The following UNC80 variants were observed in gnomAD, a reference collection of about 807,000 sequenced individuals.
UNC80 encodes protein unc-80 homolog.
UNC80 carries 164 observed loss-of-function variants against 384.6 expected under a neutral mutation model. The ratio of observed to expected loss-of-function variants is 0.43; its 90% CI spans 0.38 to 0.49. UNC80 has a LOEUF of 0.49. Ranked by LOEUF, UNC80 falls within the 20% of genes least tolerant of loss-of-function variation. The probability of loss-of-function intolerance (pLI) is 0.00; values close to 1 mark genes in which losing one functional copy is unlikely to be tolerated. For synonymous variants in UNC80, 1,486 were observed against 1,527.8 expected, an observed-to-expected ratio of 0.97 and a Z score of 0.64; for missense variants, 3,330 against 4,143.0, an observed-to-expected ratio of 0.80 and a Z score of 5.39.
chr2:209,941,704 AT>A (rs1419622146), intron 44 of UNC80, among the ~76,000 whole-genome samples: 2 of 152,146 alleles, frequency 1.3e-5, no homozygotes, highest in Non-Finnish European at 2.9e-5. Flanking sequence ...ATGCTTTCCC[AT>A]TTCGTCTAGG....
At position 209,819,072 on chromosome 2, in the gene UNC80, T is replaced by G; in HGVS notation, c.1773T>G (p.Phe591Leu). Residue 591 changes from phenylalanine (F) to leucine (L), a missense_variant, in exon 12 of 65, where the codon TTT (phenylalanine) becomes TTG (leucine). Coordinates refer to ENST00000673920, the MANE Select transcript of UNC80 (RefSeq NM_001371986.1). ...CATTCAACGTAGGCTATGCAGACTTTTTCAATGAGCATATGAGGAAACTCT... is the reference window on the plus strand; with the variant it reads ...CATTCAACGTAGGCTATGCAGACTTGTTCAATGAGCATATGAGGAAACTCT... Reference protein sequence around the residue: ...LASFNVGYADFFNEHMRKLCN... With the variant: ...LASFNVGYADLFNEHMRKLCN... The G allele has an allele frequency of 6.4e-7, 1 of 1,552,014 alleles. No individual in the cohort carries two copies. The highest frequency in any genetic ancestry group is 8.7e-7 in the Non-Finnish European group (1 of 1,147,058).
intron 21 of UNC80, among the ~76,000 whole-genome samples, chr2:209,843,288 A>C (rs1476206822): frequency 1.3e-5 from 2 of 152,226 alleles, no homozygotes; most frequent in African/African-American, 4.8e-5. Flanking sequence ...AAGTATATGA[A>C]CACAATTTAA....
chr2:209,863,497 T>C (rs6757148), intron 22 of UNC80, among the ~76,000 whole-genome samples: 24,704 of 152,036 alleles, frequency 0.16, 2,624 homozygotes, highest in African/African-American at 0.29. Flanking sequence ...AGTCTTTTTA[T>C]GAAGTCCCAT....
At chr2:209,907,331 T>C (rs1488914913) in intron 29 of UNC80, among the ~76,000 whole-genome samples, 1 of 147,616 alleles carries the variant, frequency 6.8e-6, no homozygotes, top group Non-Finnish European at 1.5e-5. Context: ...TACCCCCATA[T>C]ACTGCACATA....
intron 7 of UNC80, among the ~76,000 whole-genome samples, chr2:209,798,042 T>C (rs2078279863): frequency 6.6e-6 from 1 of 152,236 alleles, no homozygotes; most frequent in South Asian, 2.1e-4. Flanking sequence ...TTAACTTCCT[T>C]GTAAATTCTG....
intron 25 of UNC80, among the ~76,000 whole-genome samples, chr2:209,882,992 A>C (rs2085433615): frequency 6.6e-6 from 1 of 152,112 alleles, no homozygotes; most frequent in Admixed American, 6.6e-5. Flanking sequence ...ACTTTATGTC[A>C]CCTTTAATTG....
intron 61 of UNC80, among the ~76,000 whole-genome samples, chr2:209,991,889 A>G (rs908389021): frequency 2.0e-5 from 3 of 152,226 alleles, no homozygotes; most frequent in African/African-American, 7.2e-5. Context: ...GGTGGCTTCC[A>G]AACCAGGGGT....
At chr2:209,961,798 G>A (rs1178037940) in intron 51 of UNC80, among the ~76,000 whole-genome samples, 1 of 152,172 alleles carries the variant, frequency 6.6e-6, no homozygotes, top group African/African-American at 2.4e-5. Flanking sequence ...TTCACTCTCT[G>A]AAGGTTTGCT....
intron 42 of UNC80, among the ~76,000 whole-genome samples, chr2:209,939,134 G>C (rs551784341): frequency 2.6e-5 from 4 of 152,262 alleles, no homozygotes; most frequent in African/African-American, 9.6e-5. Flanking sequence ...GACCCTGTTA[G>C]TGAAGGTCTT....
chr2:209,925,141 C>T (rs2090328845), intron 35 of UNC80, among the ~76,000 whole-genome samples: 1 of 151,300 alleles, frequency 6.6e-6, no homozygotes, highest in South Asian at 2.1e-4. Context: ...TAGTTCCAAG[C>T]TTTTGGTAAA....
chr2:209,811,597 G>A (rs892558512), intron 7 of UNC80, among the ~76,000 whole-genome samples: 1 of 152,178 alleles, frequency 6.6e-6, no homozygotes, highest in Non-Finnish European at 1.5e-5. Flanking sequence ...TAGGTCTCTG[G>A]AAAAAGGATA....
In UNC80 at chr2:209,933,890, G is replaced by C. The variant is rs756804958; in HGVS notation, c.6063G>C (p.Leu2021=). The stretch of plus-strand genomic sequence containing the variant: ...GGATGGATGCCATTTCAGCCACCCT[G>C]ACATTCCTGTGGGAGGTGGTGGGTT... ...EWGMDAISAT[L]TFLWEVVGYV... is the part of the protein sequence containing the mutation. The change falls in exon 39 of 65, where the codon CTG becomes CTC. Residue 2021 remains leucine, a synonymous_variant. Transcript: ENST00000673920. 2.6e-6 allele frequency: 4 copies of C among 1,551,282 alleles called. No homozygotes were observed. The highest frequency in any genetic ancestry group is 1.2e-5 in the South Asian group (1 of 84,046).
At chr2:209,777,165 A>G in intron 3 of UNC80, 93 bp from the exon 4 acceptor site, 1 of 1,369,068 alleles carries the variant, frequency 7.3e-7, no homozygotes, top group Non-Finnish European at 9.9e-7. Context: ...AAGTATAGAG[A>G]AAGGAGGGAT....
intron 10 of UNC80, among the ~76,000 whole-genome samples, chr2:209,817,477 A>G (rs2079823569): frequency 6.6e-6 from 1 of 151,478 alleles, no homozygotes; most frequent in African/African-American, 2.4e-5. Flanking sequence ...AAAGCAAAGC[A>G]AAGGAAAAAA....
intron 15 of UNC80, 124 bp from the exon 16 acceptor site, chr2:209,831,319 A>T: frequency 2.0e-6 from 2 of 1,019,266 alleles, no homozygotes; most frequent in Non-Finnish European, 2.8e-6. Flanking sequence ...GGGCATCTTT[A>T]ATTCCTTGTT....
At chr2:209,894,953 G>T (rs897945888) in intron 27 of UNC80, among the ~76,000 whole-genome samples, 1 of 152,158 alleles carries the variant, frequency 6.6e-6, no homozygotes, top group African/African-American at 2.4e-5. Context: ...TCAGGGATTT[G>T]TTTTCTCTGA....
intron 23 of UNC80, among the ~76,000 whole-genome samples, chr2:209,876,740 C>A (rs544633452): frequency 1.1e-4 from 17 of 152,236 alleles, no homozygotes; most frequent in Non-Finnish European, 1.8e-4. Flanking sequence ...CGATTTGTAT[C>A]ATTTGCTTAA....
At chr2:209,830,502 T>C (rs978984273) in intron 15 of UNC80, among the ~76,000 whole-genome samples, 1 of 152,160 alleles carries the variant, frequency 6.6e-6, no homozygotes, top group Non-Finnish European at 1.5e-5. Flanking sequence ...CCCCTGTCAA[T>C]TGGCATAGAC....
chr2:209,934,986 T>A (rs912179466), intron 39 of UNC80, among the ~76,000 whole-genome samples: 4 of 152,222 alleles, frequency 2.6e-5, no homozygotes, highest in Non-Finnish European at 5.9e-5. Flanking sequence ...CAAAGATTTG[T>A]AATTAATGAA....
Sources: gnomAD v4.1 joint callset for allele counts (sites outside exome capture counted in the v4.1 genomes callset) on GRCh38, gnomAD v4.1.1 for gene constraint, MANE v1.5 for transcripts, NCBI Gene and HGNC (gene_info 2026-07-23, HGNC 2026-07-21) for gene names.